The following ADAMTS6 variants were observed in gnomAD, a reference collection of about 807,000 sequenced individuals.
ADAMTS6 encodes A disintegrin and metalloproteinase with thrombospondin motifs 6.
Under a neutral mutation model 144.3 loss-of-function variants are expected in ADAMTS6, and 23 were observed. That is an observed-to-expected ratio of 0.16 (90% CI 0.11 to 0.23). ADAMTS6 has a LOEUF of 0.23. Among genes scored for constraint, ADAMTS6 ranks in the 10% least tolerant of loss-of-function variants. The probability of loss-of-function intolerance (pLI) is 1.00; values close to 1 mark genes in which losing one functional copy is unlikely to be tolerated. For synonymous variants in ADAMTS6, 444 were observed against 457.5 expected (o/e 0.97, Z 0.38); for missense variants, 999 against 1,379.6 (o/e 0.72, Z 4.37).
intron 14 of ADAMTS6, among the ~76,000 whole-genome samples, chr5:65,247,218 AT>A (rs1338386364): frequency 6.6e-6 from 1 of 152,206 alleles, no homozygotes; most frequent in African/African-American, 2.4e-5. Context: ...AAAGAAATAA[AT>A]TAATAATAGC....
intron 9 of ADAMTS6, among the ~76,000 whole-genome samples, chr5:65,324,367 A>G (rs112407414): frequency 3.9e-5 from 6 of 152,278 alleles, no homozygotes; most frequent in African/African-American, 1.4e-4. Context: ...ACAATCTTGA[A>G]ATATGCAAAG....
chr5:65,362,289 T>C (rs540885959), intron 7 of ADAMTS6, among the ~76,000 whole-genome samples: 31 of 152,326 alleles, frequency 2.0e-4, no homozygotes, highest in Middle Eastern at 3.4e-3. Flanking sequence ...ATATATACCA[T>C]TTGGCAAGCA....
intron 7 of ADAMTS6, among the ~76,000 whole-genome samples, chr5:65,450,021 C>T (rs543591561): frequency 6.6e-6 from 1 of 152,274 alleles, no homozygotes; most frequent in African/African-American, 2.4e-5. Context: ...GTTTTGTTAG[C>T]TATATATAAC....
chr5:65,333,929 T>A, intron 8 of ADAMTS6, 113 bp downstream of exon 8: 2 of 1,109,382 alleles, frequency 1.8e-6, no homozygotes. Flanking sequence ...GAAAGGAAAA[T>A]GACCAAATTA....
chr5:65,419,905 T>G (rs922756822), intron 7 of ADAMTS6, among the ~76,000 whole-genome samples: 1 of 152,190 alleles, frequency 6.6e-6, no homozygotes, highest in Non-Finnish European at 1.5e-5. Flanking sequence ...GAAATTTAGA[T>G]AGTGGTGATG....
At chr5:65,190,131 A>T (rs1754917173) in intron 21 of ADAMTS6, among the ~76,000 whole-genome samples, 1 of 152,240 alleles carries the variant, frequency 6.6e-6, no homozygotes, top group Non-Finnish European at 1.5e-5. Context: ...TTACTTATAA[A>T]GAAAACCAGC....
chr5:65,432,451 G>A (rs1055632803), intron 7 of ADAMTS6, among the ~76,000 whole-genome samples: 2 of 151,892 alleles, frequency 1.3e-5, no homozygotes, highest in Non-Finnish European at 2.9e-5. Flanking sequence ...AAGCCTTTCT[G>A]AACTAGAAAG....
At chr5:65,471,394 A>G (rs1760418075) in intron 2 of ADAMTS6, among the ~76,000 whole-genome samples, 1 of 152,184 alleles carries the variant, frequency 6.6e-6, no homozygotes, top group Non-Finnish European at 1.5e-5. Context: ...TTTTTAAAAC[A>G]TGGATCCTAA....
At chr5:65,451,662 A>G (rs1162567906) in intron 6 of ADAMTS6, 42 bp from the exon 7 acceptor site, 1 of 1,604,968 alleles carries the variant, frequency 6.2e-7, no homozygotes, top group Non-Finnish European at 8.5e-7. Context: ...CAAACAAATT[A>G]CTAAGGTCAG....
chr5:65,227,330 A>G (rs1157303588), intron 15 of ADAMTS6, among the ~76,000 whole-genome samples: 1 of 152,188 alleles, frequency 6.6e-6, no homozygotes, highest in Non-Finnish European at 1.5e-5. Context: ...AAAACAGAGT[A>G]CATATCATAA....
chr5:65,366,177 C>T (rs1427782795), intron 7 of ADAMTS6, among the ~76,000 whole-genome samples: 2 of 152,024 alleles, frequency 1.3e-5, no homozygotes, highest in Admixed American at 1.3e-4. Flanking sequence ...TAAATGCAAC[C>T]TCCTAAGGGA....
chr5:65,448,557 A>G (rs1289984610), intron 7 of ADAMTS6, among the ~76,000 whole-genome samples: 1 of 151,294 alleles, frequency 6.6e-6, no homozygotes, highest in Non-Finnish European at 1.5e-5. Context: ...GGTTCATGCC[A>G]TTCTCCTGCC....
At chr5:65,440,060 G>C (rs1292941388) in intron 7 of ADAMTS6, among the ~76,000 whole-genome samples, 1 of 151,934 alleles carries the variant, frequency 6.6e-6, no homozygotes, top group Admixed American at 6.6e-5. Context: ...CACATGCCTC[G>C]GCGTCCCAAA....
At chr5:65,402,960 T>C (rs529546615) in intron 7 of ADAMTS6, among the ~76,000 whole-genome samples, 1 of 152,214 alleles carries the variant, frequency 6.6e-6, no homozygotes, top group East Asian at 1.9e-4. Flanking sequence ...CTTTACTTCC[T>C]TTTCTTCCTT....
At chr5:65,203,378 G>C (rs1176640813) in intron 20 of ADAMTS6, among the ~76,000 whole-genome samples, 1 of 152,116 alleles carries the variant, frequency 6.6e-6, no homozygotes, top group Non-Finnish European at 1.5e-5. Flanking sequence ...AACATAGAAA[G>C]ACCTGTCTCT....
intron 22 of ADAMTS6, among the ~76,000 whole-genome samples, chr5:65,186,999 G>C (rs983794873): frequency 2.0e-5 from 3 of 152,122 alleles, no homozygotes; most frequent in Non-Finnish European, 4.4e-5. Flanking sequence ...AAAGAACAAC[G>C]TTTAATATTT....
At chr5:65,462,341 T>C (rs905905787) in intron 3 of ADAMTS6, among the ~76,000 whole-genome samples, 19 of 152,180 alleles carry the variant, frequency 1.2e-4, no homozygotes, top group Non-Finnish European at 2.9e-5. Context: ...AATTGAAAGT[T>C]ACCAGACAAG....
chr5:65,418,202 A>G (rs891971552), intron 7 of ADAMTS6, among the ~76,000 whole-genome samples: 16 of 152,218 alleles, frequency 1.1e-4, no homozygotes, highest in African/African-American at 3.9e-4. Context: ...CTTTTACTAT[A>G]TATAAAAATT....
intron 18 of ADAMTS6, among the ~76,000 whole-genome samples, chr5:65,222,554 T>C (rs370133304): frequency 7.4e-4 from 112 of 152,268 alleles, no homozygotes; most frequent in African/African-American, 2.6e-3. Flanking sequence ...TTACTCTAAG[T>C]GTTAAATCAA....
Sources: gnomAD v4.1 joint callset for allele counts (sites outside exome capture counted in the v4.1 genomes callset) on GRCh38, gnomAD v4.1.1 for gene constraint, MANE v1.5 for transcripts, NCBI Gene and HGNC (gene_info 2026-07-23, HGNC 2026-07-21) for gene names.